The following KLHL12 variants were observed in gnomAD, a reference collection of about 807,000 sequenced individuals.
The protein encoded by KLHL12 is kelch like family member 12.
In KLHL12, 17 loss-of-function variants were observed where a neutral mutation model predicts 60.8. That is an observed-to-expected ratio of 0.28 (90% CI 0.19 to 0.42). The LOEUF (loss-of-function observed/expected upper bound fraction) is 0.42, where lower values mean the gene tolerates loss of function less well. KLHL12 is among the 10% of genes least tolerant of loss of function. KLHL12 has a pLI of 1.00. For missense variants in KLHL12, 468 were observed against 722.3 expected (o/e 0.65, Z 4.04); for synonymous variants, 220 against 250.9 (o/e 0.88, Z 1.16).
intron 6 of KLHL12, among the ~76,000 whole-genome samples, chr1:202,908,204 A>C (rs1660254077): frequency 6.6e-6 from 1 of 152,180 alleles, no homozygotes; most frequent in Non-Finnish European, 1.5e-5. Context: ...TCTTATATAC[A>C]TTATCTCATT....
chr1:202,899,424 C>T (rs766348045), intron 6 of KLHL12, among the ~76,000 whole-genome samples: 3 of 152,194 alleles, frequency 2.0e-5, no homozygotes, highest in Admixed American at 6.5e-5. Flanking sequence ...TACACTCACA[C>T]ATAAACCACG....
intron 4 of KLHL12, among the ~76,000 whole-genome samples, chr1:202,913,807 T>C (rs1054319429): frequency 1.3e-5 from 2 of 152,178 alleles, no homozygotes; most frequent in African/African-American, 4.8e-5. Context: ...TAGAAATGCA[T>C]TGTCCAATAC....
intron 9 of KLHL12, 52 bp from the exon 10 acceptor site, chr1:202,894,334 C>A: frequency 7.7e-7 from 1 of 1,301,966 alleles, no homozygotes. Context: ...ATGCCCATTC[C>A]TGGTCGGTTT....
chr1:202,909,323 A>C lies in KLHL12; in HGVS notation c.718-199T>G, dbSNP rs1338271470. ...TTAAAATTTACTTGAAAAATAGATAACATACTAGATGGATCAAAAATCAAA... is the reference window on the plus strand; with the variant it reads ...TTAAAATTTACTTGAAAAATAGATACCATACTAGATGGATCAAAAATCAAA... On this transcript the variant is annotated intron_variant, in intron 5 of 11. Coordinates refer to ENST00000367261, the MANE Select transcript of KLHL12 (RefSeq NM_021633.4). The surrounding 1 kb of genome is among the most constrained non-coding windows in gnomAD (Gnocchi z 4.1). 6.6e-6 allele frequency among the ~76,000 whole-genome samples: 1 copy of C among 151,156 alleles called. No homozygotes were observed. The highest frequency in any genetic ancestry group is 1.5e-5 in the Non-Finnish European group (1 of 67,956).
chr1:202,928,487 G>T, upstream of KLHL12: 1 of 1,302,738 alleles, frequency 7.7e-7, no homozygotes, highest in Non-Finnish European at 1.0e-6. Flanking sequence ...TTACCTTCCA[G>T]GTACTGAGGA....
chr1:202,900,395 A>G (rs1027032832), intron 6 of KLHL12, among the ~76,000 whole-genome samples: 1 of 151,886 alleles, frequency 6.6e-6, no homozygotes, highest in Non-Finnish European at 1.5e-5. Flanking sequence ...AAAATAATAA[A>G]AAAAAATAGC....
At chr1:202,902,554 C>A (rs1237785083) in intron 6 of KLHL12, among the ~76,000 whole-genome samples, 1 of 152,018 alleles carries the variant, frequency 6.6e-6, no homozygotes, top group Non-Finnish European at 1.5e-5. Flanking sequence ...TTATAATATT[C>A]TTAGGCATTT....
At position 202,919,746 on chromosome 1, in the gene KLHL12, T is replaced by C. The variant is rs761061209; in HGVS notation, c.349+9A>G. The C allele has an allele frequency of 6.2e-7, 1 of 1,606,920 alleles. No individual in the cohort carries two copies. Among genetic ancestry groups the C allele is most frequent in the Non-Finnish European group, 8.5e-7 (1 of 1,177,510 alleles). ...TGACATAAACAATAGCAAGTTTTAA[T>C]GTCTGTACCTTTCAACTGAAGCAGA... is the stretch of plus-strand genomic sequence containing the variant. On this transcript the variant is annotated intron_variant, in intron 3 of 11. Coordinates refer to ENST00000367261, the MANE Select transcript of KLHL12 (RefSeq NM_021633.4).
intron 2 of KLHL12, among the ~76,000 whole-genome samples, chr1:202,924,625 AAAG>A (rs1368692250): frequency 6.6e-6 from 1 of 152,188 alleles, no homozygotes; most frequent in Non-Finnish European, 1.5e-5. Flanking sequence ...AAAAACAAAA[AAAG>A]GAGAAAAATT....
At chr1:202,924,566 C>T (rs932918033) in intron 2 of KLHL12, among the ~76,000 whole-genome samples, 3 of 151,800 alleles carry the variant, frequency 2.0e-5, no homozygotes, top group African/African-American at 7.3e-5. Flanking sequence ...TCAAGACCAG[C>T]GTGGGCAACA....
chr1:202,909,273 T>C lies in KLHL12; in HGVS notation c.718-149A>G, dbSNP rs1660285648. ...CCAGGAGTATTGCTGGTAGTAACCA[T>C]GCTCTCGGTTTCCAGAAATGATTTT... On this transcript the variant is annotated intron_variant, in intron 5 of 11. Transcript: ENST00000367261. This position sits in a 1 kb window ranked among gnomAD's most constrained non-coding sequence, Gnocchi z 4.1. 4 of 507,426 alleles carry C rather than the reference T, an allele frequency of 7.9e-6. No homozygotes were observed. Among genetic ancestry groups the C allele is most frequent in the Non-Finnish European group, 1.4e-5 (4 of 281,320 alleles). The allele number at this position is 507,426 out of a possible 1,614,324, so 31.4% of individuals were successfully genotyped here. A position where few individuals can be genotyped will look rare whatever the true frequency, so the allele number is the denominator to read the frequency against.
At position 202,925,669 on chromosome 1, in the gene KLHL12, T is replaced by A. The variant is rs117610385; in HGVS notation, c.-45-462A>T. ...TATCCTAGAAGTTGCACAATAAATG[T>A]TTAGAATTTAATGTAAGAAAAAGTG... On this transcript the variant is annotated intron_variant, in intron 1 of 11. Coordinates refer to ENST00000367261, the MANE Select transcript of KLHL12 (RefSeq NM_021633.4). Among the ~76,000 whole-genome samples, 409 of 152,318 alleles carry A rather than the reference T, an allele frequency of 2.7e-3. 2 individuals carry two copies. The East Asian group carries it at 0.039, about 15-fold the overall frequency.
Position 202,909,141 on chromosome 1 carries a change from A to G in KLHL12, c.718-17T>C, listed in dbSNP as rs781317380. 5.9e-6 allele frequency: 9 copies of G among 1,528,820 alleles called. No homozygotes were observed. The highest frequency in any genetic ancestry group is 8.2e-6 in the Non-Finnish European group (9 of 1,102,760). 94.7% of individuals were successfully genotyped at this position (1,528,820 alleles called of 1,614,324 possible). A position where few individuals can be genotyped will look rare whatever the true frequency, so the allele number is the denominator to read the frequency against. ...GATGAAAGGCTGAAATATAGCAGAC[A>G]GCAGAGTTAGGCACTGGGGATACCT... On this transcript the variant is annotated splice_polypyrimidine_tract_variant and intron_variant, in intron 5 of 11. Coordinates refer to ENST00000367261, the MANE Select transcript of KLHL12 (RefSeq NM_021633.4). This position sits in a 1 kb window ranked among gnomAD's most constrained non-coding sequence, Gnocchi z 4.1.
chr1:202,904,920 C>T (rs991620924), intron 6 of KLHL12, among the ~76,000 whole-genome samples: 2 of 152,140 alleles, frequency 1.3e-5, no homozygotes, highest in Non-Finnish European at 2.9e-5. Context: ...CTAAAAATCC[C>T]TTATTTGGCA....
chr1:202,926,274 G>A (rs957203321), intron 1 of KLHL12, among the ~76,000 whole-genome samples: 1 of 152,034 alleles, frequency 6.6e-6, no homozygotes, highest in Non-Finnish European at 1.5e-5. Flanking sequence ...TTAAAGAATC[G>A]ATATTGGAAT....
chr1:202,897,228 C>CTTTTT (rs11305071), intron 6 of KLHL12, among the ~76,000 whole-genome samples: 824 of 81,300 alleles, frequency 0.01, no homozygotes, highest in Non-Finnish European at 0.012. Context: ...ATTTCTTTTT[C>CTTTTT]TTTTTTTTTT....
intron 4 of KLHL12, chr1:202,912,229 A>C: frequency 2.7e-6 from 3 of 1,104,538 alleles, no homozygotes; most frequent in Non-Finnish European, 4.1e-6. Flanking sequence ...ATCATGACTG[A>C]CTGAGGCAGT....
chr1:202,905,312 G>A (rs145899041), intron 6 of KLHL12, among the ~76,000 whole-genome samples: 3 of 152,248 alleles, frequency 2.0e-5, no homozygotes, highest in African/African-American at 7.2e-5. Context: ...ATTTTCATTA[G>A]CTTTTAGTTC....
At position 202,909,024 on chromosome 1, in the gene KLHL12, G is replaced by T. The variant is rs748613622; in HGVS notation, c.818C>A (p.Thr273Lys). ...ELRSQMQGPR[T>K]RARLGANEVL... ...TACCAGCTTACCTAGGCGAGCCCTT[G>T]TCCTGGGTCCCTGCATCTGACTCCG... The change falls in exon 6 of 12, where the codon ACA becomes AAA. Residue 273 changes from threonine to lysine, a missense_variant. Around this residue, in one of 4 missense-constraint regions of KLHL12, gnomAD observed 339 missense variants for 525.0 expected, o/e 0.65. Coordinates refer to ENST00000367261, the MANE Select transcript of KLHL12 (RefSeq NM_021633.4). This position sits in a 1 kb window ranked among gnomAD's most constrained non-coding sequence, Gnocchi z 4.1. The T allele has an allele frequency of 6.2e-7, 1 of 1,612,764 alleles. No individual in the cohort carries two copies. Among genetic ancestry groups the T allele is most frequent in the Admixed American group, 1.7e-5 (1 of 60,004 alleles).
Sources: gnomAD v4.1 joint callset for allele counts (sites outside exome capture counted in the v4.1 genomes callset) on GRCh38, gnomAD v4.1.1 for gene constraint, gnomAD v4.1.1 regional missense constraint, Gnocchi (gnomAD v3.1) non-coding constraint, MANE v1.5 for transcripts, NCBI Gene and HGNC (gene_info 2026-07-23, HGNC 2026-07-21) for gene names.